DLG2: variants seen among roughly 807,000 people sequenced by gnomAD.
The protein encoded by DLG2 is discs large MAGUK scaffold protein 2.
In DLG2, 45 loss-of-function variants were observed where a neutral mutation model predicts 132.5. That is an observed-to-expected ratio of 0.34 (90% CI 0.27 to 0.44). The LOEUF (loss-of-function observed/expected upper bound fraction) is 0.44, where lower values mean the gene tolerates loss of function less well. Ranked by LOEUF, DLG2 falls within the 20% of genes least tolerant of loss-of-function variation. DLG2 has a pLI of 1.00. For missense variants in DLG2, 1,045 were observed against 1,196.9 expected (o/e 0.87, Z 1.87); for synonymous variants, 424 against 419.6 (o/e 1.01, Z -0.13).
intron 6 of DLG2, among the ~76,000 whole-genome samples, chr11:84,855,004 G>T (rs1566160122): frequency 6.6e-6 from 1 of 152,004 alleles, no homozygotes; most frequent in East Asian, 1.9e-4. Flanking sequence ...AGGTGCTCAG[G>T]AAATAATAGT....
At chr11:83,593,620 T>G (rs1254685050) in intron 19 of DLG2, among the ~76,000 whole-genome samples, 1 of 149,982 alleles carries the variant, frequency 6.7e-6, no homozygotes, top group Non-Finnish European at 1.5e-5. Context: ...AATGTGCACA[T>G]GTACCCTAAA....
At chr11:84,767,710 A>C (rs1310336947) in intron 6 of DLG2, among the ~76,000 whole-genome samples, 2 of 152,018 alleles carry the variant, frequency 1.3e-5, no homozygotes, top group Non-Finnish European at 2.9e-5. Context: ...GAGGTCCCCT[A>C]TGCAGAAGGC....
chr11:83,541,755 C>T lies in DLG2; in HGVS notation c.2044G>A (p.Glu682Lys), dbSNP rs140519581. The part of the protein sequence containing the change: ...ILHVINASDD[E>K]WWQARRVMLE... ...ATGACTCTCCTGGCTTGCCACCACT[C>T]ATCATCAGAGGCATTGATAACGTGG... The change falls in exon 20 of 28, where the codon GAG (glutamate) becomes AAG (lysine). Residue 682 changes from glutamate to lysine, a missense_variant. By Grantham distance (56) the Glu-to-Lys change is moderately conservative (BLOSUM62 1). Coordinates refer to ENST00000376104, the MANE Select transcript of DLG2 (RefSeq NM_001142699.3). 1 of 1,613,472 alleles carries T rather than the reference C, an allele frequency of 6.2e-7. No homozygotes were observed. Among genetic ancestry groups the T allele is most frequent in the Admixed American group, 1.7e-5 (1 of 59,988 alleles).
chr11:85,124,801 TATA>T (rs1251614857), intron 5 of DLG2, among the ~76,000 whole-genome samples: 1 of 151,810 alleles, frequency 6.6e-6, no homozygotes, highest in Non-Finnish European at 1.5e-5. Context: ...ATGAAAGATT[TATA>T]ATATTTTTTA....
chr11:85,527,893 C>A (rs147730398), intron 3 of DLG2, among the ~76,000 whole-genome samples: 5,404 of 152,298 alleles, frequency 0.035, 147 homozygotes, highest in Admixed American at 0.053. Flanking sequence ...ACCATTCTAA[C>A]TGGCATGAGA....
At chr11:83,976,940 T>C (rs974904877) in intron 12 of DLG2, among the ~76,000 whole-genome samples, 6 of 151,900 alleles carry the variant, frequency 3.9e-5, no homozygotes, top group African/African-American at 7.2e-5. Flanking sequence ...TTTTCTGATA[T>C]TGGAGTAGCA....
chr11:85,157,080 G>T (rs1375647436), intron 4 of DLG2, among the ~76,000 whole-genome samples: 1 of 152,146 alleles, frequency 6.6e-6, no homozygotes, highest in Non-Finnish European at 1.5e-5. Context: ...AAAGCAGGCA[G>T]AAAAACACGA....
chr11:85,480,395 G>T (rs1202756257), intron 3 of DLG2, among the ~76,000 whole-genome samples: 2 of 151,674 alleles, frequency 1.3e-5, no homozygotes, highest in Non-Finnish European at 2.9e-5. Flanking sequence ...TCTTTATAAT[G>T]ATATACCATG....
rs553059436 is a variant in DLG2, at chr11:84,986,561, A to G, written c.357+125100T>C. ...GCTAATCGAATCCAACAACACATCA[A>G]AAAGATAATCCACCATGATCAAGTG... is the stretch of plus-strand genomic sequence containing the variant. On this transcript the variant is annotated intron_variant, in intron 6 of 27. Coordinates refer to ENST00000376104, the MANE Select transcript of DLG2 (RefSeq NM_001142699.3). Among the ~76,000 whole-genome samples the G allele has an allele frequency of 9.8e-5, 15 of 152,356 alleles. No individual in the cohort carries two copies. The South Asian group carries it at 3.1e-3, about 32-fold the overall frequency.
chr11:84,180,829 C>G (rs2096100864), intron 8 of DLG2, among the ~76,000 whole-genome samples: 1 of 151,772 alleles, frequency 6.6e-6, no homozygotes, highest in Admixed American at 6.6e-5. Flanking sequence ...AATTATCCTT[C>G]AAGAATGAAA....
intron 4 of DLG2, among the ~76,000 whole-genome samples, chr11:85,220,076 A>C (rs1019666539): frequency 6.6e-6 from 1 of 152,126 alleles, no homozygotes; most frequent in African/African-American, 2.4e-5. Flanking sequence ...AGTGGTATGG[A>C]TATAACAATA....
At chr11:84,852,763 A>G (rs1046390365) in intron 6 of DLG2, among the ~76,000 whole-genome samples, 4 of 150,862 alleles carry the variant, frequency 2.7e-5, no homozygotes, top group African/African-American at 7.3e-5. Context: ...AAATGGGTTA[A>G]TAAGGATGGA....
chr11:84,071,518 C>A (rs2096756765), intron 10 of DLG2, among the ~76,000 whole-genome samples: 1 of 152,142 alleles, frequency 6.6e-6, no homozygotes, highest in East Asian at 1.9e-4. Flanking sequence ...TATCCTCCTG[C>A]CTCAGCCTCC....
At chr11:85,283,908 C>T (rs2078394399) in intron 4 of DLG2, among the ~76,000 whole-genome samples, 1 of 150,604 alleles carries the variant, frequency 6.6e-6, no homozygotes, top group Non-Finnish European at 1.5e-5. Flanking sequence ...AAAGCAATGG[C>T]TTATACACAT....
intron 6 of DLG2, among the ~76,000 whole-genome samples, chr11:84,695,902 T>C (rs1283682626): frequency 1.3e-5 from 2 of 151,478 alleles, no homozygotes; most frequent in Non-Finnish European, 3.0e-5. Context: ...TGAAATGTAA[T>C]GCTTTTCCCT....
chr11:84,578,492 T>A (rs2099508689), intron 6 of DLG2, among the ~76,000 whole-genome samples: 1 of 152,122 alleles, frequency 6.6e-6, no homozygotes, highest in Non-Finnish European at 1.5e-5. Flanking sequence ...TCAAAGGAGA[T>A]CATTTTGGAG....
intron 6 of DLG2, among the ~76,000 whole-genome samples, chr11:84,584,510 C>T (rs756141044): frequency 6.6e-6 from 1 of 151,114 alleles, no homozygotes; most frequent in Non-Finnish European, 1.5e-5. Context: ...CCATGCCTGG[C>T]TATTTTTTTT....
At chr11:83,978,343 T>C (rs2092466274) in intron 12 of DLG2, among the ~76,000 whole-genome samples, 1 of 152,016 alleles carries the variant, frequency 6.6e-6, no homozygotes, top group African/African-American at 2.4e-5. Flanking sequence ...AACCAGTAAC[T>C]ATCTAAGACA....
At chr11:84,098,653 G>A (rs1595196996) in intron 10 of DLG2, among the ~76,000 whole-genome samples, 2 of 151,986 alleles carry the variant, frequency 1.3e-5, no homozygotes, top group Admixed American at 1.3e-4. Flanking sequence ...CTAGACTGAA[G>A]GCCTCATCCA....
Sources: gnomAD v4.1 joint callset for allele counts (sites outside exome capture counted in the v4.1 genomes callset) on GRCh38, gnomAD v4.1.1 for gene constraint, MANE v1.5 for transcripts, NCBI Gene and HGNC (gene_info 2026-07-23, HGNC 2026-07-21) for gene names.